The following ZKSCAN3 variants were observed in gnomAD, a reference collection of about 807,000 sequenced individuals.
ZKSCAN3 encodes zinc finger protein with KRAB and SCAN domains 3.
A neutral mutation model predicts 30.7 loss-of-function variants in ZKSCAN3; 21 were observed. The observed-to-expected ratio is 0.68, with a 90% CI of 0.49 to 0.99. ZKSCAN3 has a LOEUF of 0.99. Among genes scored for constraint, ZKSCAN3 ranks in the 50% least tolerant of loss-of-function variants. ZKSCAN3 has a pLI of 0.00. For missense variants in ZKSCAN3, 507 were observed against 647.1 expected, an observed-to-expected ratio of 0.78 and a Z score of 2.35; for synonymous variants, 201 against 246.7, an observed-to-expected ratio of 0.81 and a Z score of 1.73.
intron 4 of ZKSCAN3, 143 bp from the exon 5 acceptor site, chr6:28,363,549 C>T: frequency 7.2e-7 from 1 of 1,388,320 alleles, no homozygotes; most frequent in Non-Finnish European, 9.9e-7. Flanking sequence ...TTATCATTAA[C>T]TTTATTTAGG....
chr6:28,361,254 T>C (rs926463737), intron 2 of ZKSCAN3, 70 bp from the exon 3 acceptor site: 1 of 1,522,082 alleles, frequency 6.6e-7, no homozygotes, highest in African/African-American at 1.4e-5. Context: ...TTGGAAATAG[T>C]GCCAGCCACC....
chr6:28,354,930 T>G (rs1217878693), intron 1 of ZKSCAN3, among the ~76,000 whole-genome samples: 1 of 152,242 alleles, frequency 6.6e-6, no homozygotes, highest in African/African-American at 2.4e-5. Context: ...GTCACCTTCT[T>G]GGTGATCACC....
chr6:28,367,529 C>T lies in ZKSCAN3; in HGVS notation c.*1244C>T, dbSNP rs1369578348. ...CTATTCAGACAGTGTGAAAATCAGTCATCAAGTCAGAATAAAATGATGAAT... is the reference window on the plus strand; with the variant it reads ...CTATTCAGACAGTGTGAAAATCAGTTATCAAGTCAGAATAAAATGATGAAT... On this transcript the variant is annotated 3_prime_UTR_variant, in exon 6 of 6. Transcript: ENST00000252211. 2.6e-5 allele frequency: 4 copies of T among 152,080 alleles called. No individual in the cohort carries two copies. Among genetic ancestry groups the T allele is most frequent in the African/African-American group, 9.7e-5 (4 of 41,414 alleles). The allele number at this position is 152,080 out of a possible 1,614,324, so 9.4% of individuals were successfully genotyped here. A position where few individuals can be genotyped will look rare whatever the true frequency, so the allele number is the denominator to read the frequency against.
chr6:28,366,017 G>A lies in ZKSCAN3; in HGVS notation c.1349G>A (p.Gly450Glu), dbSNP rs1226722777. The change falls in exon 6 of 6, where the codon GGG becomes GAG. Residue 450 changes from glycine to glutamate, a missense_variant. Physicochemically the swap from Gly to Glu is moderately conservative, Grantham distance 98 (BLOSUM62 -2). Coordinates refer to ENST00000252211, the MANE Select transcript of ZKSCAN3 (RefSeq NM_024493.4). ...CTGAGACATCAGAGGATCCATACTGGGGATAAAAATGTTCAGGAACCTGAG... is the reference window on the plus strand; with the variant it reads ...CTGAGACATCAGAGGATCCATACTGAGGATAAAAATGTTCAGGAACCTGAG... ...HLLRHQRIHT[G>E]DKNVQEPEQG... The A allele has an allele frequency of 3.1e-6, 5 of 1,613,276 alleles. No individual in the cohort carries two copies. In the South Asian group the frequency reaches 5.5e-5, roughly 18 times the overall value.
At position 28,353,931 on chromosome 6, in the gene ZKSCAN3, G is replaced by C. The variant is rs532542898; in HGVS notation, c.-63+3864G>C. 4 of 455,388 alleles carry C rather than the reference G, an allele frequency of 8.8e-6. No homozygotes were observed. In the East Asian group the frequency reaches 2.8e-4, roughly 32 times the overall value. 28.2% of individuals were successfully genotyped at this position (455,388 alleles called of 1,614,324 possible). A position where few individuals can be genotyped will look rare whatever the true frequency, so the allele number is the denominator to read the frequency against. On this transcript the variant is annotated intron_variant, in intron 1 of 5. Transcript: ENST00000252211. ...AGGGGAGTTGTTGGATGGGTGGCAG[G>C]TAGTTGAAAGAACACTCGGGGCTGT...
At chr6:28,354,060 G>GGCTCT (rs1481371799) in intron 1 of ZKSCAN3, 3 of 413,616 alleles carry the variant, frequency 7.3e-6, no homozygotes, top group Non-Finnish European at 1.5e-5. Flanking sequence ...CTCAGCAAAC[G>GGCTCT]GCTCTGTGGC....
chr6:28,361,598 A>AGAC, intron 3 of ZKSCAN3, 127 bp downstream of exon 3: 1 of 1,063,204 alleles, frequency 9.4e-7, no homozygotes, highest in Non-Finnish European at 1.3e-6. Context: ...TTTAAGACTG[A>AGAC]GACTAAAAGG....
rs961057960 is a variant in ZKSCAN3 at position 28,366,075 on chromosome 6, C to G, written c.1407C>G (p.Ser469Arg). 39 of 1,607,650 alleles carry G rather than the reference C, an allele frequency of 2.4e-5. No individual in the cohort carries two copies. The highest frequency in any genetic ancestry group is 3.3e-5 in the Non-Finnish European group (39 of 1,177,546). The change falls in exon 6 of 6, where the codon AGC becomes AGG. Residue 469 changes from serine (S) to arginine (R), a missense_variant. Ser to Arg is a moderately radical substitution (Grantham distance 110). Coordinates refer to ENST00000252211, the MANE Select transcript of ZKSCAN3 (RefSeq NM_024493.4). ...AGGCCTGGAAAAGTAGGATGGAAAGCCAGTTGGAAAATGTTGAAACTCCCA... is the reference window on the plus strand; with the variant it reads ...AGGCCTGGAAAAGTAGGATGGAAAGGCAGTTGGAAAATGTTGAAACTCCCA... The part of the protein sequence containing the change: ...QGEAWKSRME[S>R]QLENVETPMS...
Position 28,359,721 on chromosome 6 carries a change from C to G in ZKSCAN3, c.135C>G (p.Ser45=). Residue 45 remains serine (S), a synonymous_variant, in exon 2 of 6, where the codon TCC becomes TCG. Coordinates refer to ENST00000252211, the MANE Select transcript of ZKSCAN3 (RefSeq NM_024493.4). Reference sequence around the variant, plus strand: ...GCCCAGATCTGGGTTCTGAGGGCTCCCGCGAGCGCTTCCGAGGCTTCCGCT... The same window carrying G: ...GCCCAGATCTGGGTTCTGAGGGCTCGCGCGAGCGCTTCCGAGGCTTCCGCT... ...PSSPDLGSEG[S]RERFRGFRYP... 6.2e-7 allele frequency: 1 copy of G among 1,614,144 alleles called. No homozygotes were observed. The highest frequency in any genetic ancestry group is 1.1e-5 in the South Asian group (1 of 91,010).
intron 2 of ZKSCAN3, 101 bp from the exon 3 acceptor site, chr6:28,361,223 G>A: frequency 7.8e-7 from 1 of 1,278,402 alleles, no homozygotes; most frequent in Non-Finnish European, 1.1e-6. Flanking sequence ...TGCGTTAAAT[G>A]AGTTAACATT....
intron 3 of ZKSCAN3, among the ~76,000 whole-genome samples, chr6:28,361,965 G>C (rs1280092666): frequency 6.6e-6 from 1 of 152,078 alleles, no homozygotes; most frequent in Non-Finnish European, 1.5e-5. Flanking sequence ...GCCTGGCTAG[G>C]TTTTAAAAAC....
intron 1 of ZKSCAN3, among the ~76,000 whole-genome samples, chr6:28,358,837 T>C (rs1424239765): frequency 7.1e-6 from 1 of 141,336 alleles, no homozygotes; most frequent in African/African-American, 2.6e-5. Context: ...CAAGCCGAGA[T>C]CATGCCACTG....
chr6:28,362,671 T>C (rs902428035), intron 3 of ZKSCAN3, among the ~76,000 whole-genome samples: 2 of 152,190 alleles, frequency 1.3e-5, no homozygotes, highest in African/African-American at 4.8e-5. Context: ...GAGGAATATA[T>C]ATATGCTTCC....
At position 28,365,723 on chromosome 6, in the gene ZKSCAN3, T is replaced by A; in HGVS notation, c.1055T>A (p.Ile352Asn). ...TGTGAAGAGTGTGGCAAAGCCTTCA[T>A]TGGGAGCTCTGCCCTTGTCATTCAT... Reference protein sequence around the residue: ...YECEECGKAFIGSSALVIHQR... With the variant: ...YECEECGKAFNGSSALVIHQR... Residue 352 changes from isoleucine (I) to asparagine (N), a missense_variant, in exon 6 of 6, where the codon ATT becomes AAT. Transcript: ENST00000252211. The A allele has an allele frequency of 1.2e-6, 2 of 1,613,170 alleles. No individual in the cohort carries two copies. Among genetic ancestry groups the A allele is most frequent in the Non-Finnish European group, 1.7e-6 (2 of 1,179,626 alleles).
chr6:28,354,800 A>G (rs1410491978), intron 1 of ZKSCAN3, among the ~76,000 whole-genome samples: 2 of 152,242 alleles, frequency 1.3e-5, no homozygotes, highest in African/African-American at 4.8e-5. Flanking sequence ...TTTCTCTCAT[A>G]GATCTGGCCA....
At chr6:28,359,319 G>A (rs1444284344) in intron 1 of ZKSCAN3, among the ~76,000 whole-genome samples, 1 of 152,058 alleles carries the variant, frequency 6.6e-6, no homozygotes, top group Non-Finnish European at 1.5e-5. Context: ...TCAGGGGCTT[G>A]GGGGTGTCCA....
Position 28,359,762 on chromosome 6 carries a change from G to C in ZKSCAN3, c.176G>C (p.Gly59Ala). ...FRGFRYPEAA[G>A]PREALSRLRE... is the part of the protein sequence containing the mutation. ...GGCTTCCGCTACCCGGAGGCTGCAG[G>C]CCCCCGCGAGGCGCTGAGTCGGCTC... Residue 59 changes from glycine (G) to alanine (A), a missense_variant, in exon 2 of 6, where the codon GGC becomes GCC. By Grantham distance (60) the Gly-to-Ala change is moderately conservative (BLOSUM62 0). Coordinates refer to ENST00000252211, the MANE Select transcript of ZKSCAN3 (RefSeq NM_024493.4). The C allele has an allele frequency of 1.2e-6, 2 of 1,614,170 alleles. No individual in the cohort carries two copies. Among genetic ancestry groups the C allele is most frequent in the Non-Finnish European group, 1.7e-6 (2 of 1,180,024 alleles).
At chr6:28,360,905 C>G (rs925585454) in intron 2 of ZKSCAN3, among the ~76,000 whole-genome samples, 1 of 152,134 alleles carries the variant, frequency 6.6e-6, no homozygotes, top group African/African-American at 2.4e-5. Flanking sequence ...GGTGATTTCA[C>G]GTACTGTGAT....
rs749140174 is a variant in ZKSCAN3, at chr6:28,359,769, C to T, written c.183C>T (p.Arg61=). 6.2e-7 allele frequency: 1 copy of T among 1,614,196 alleles called. No homozygotes were observed. The highest frequency in any genetic ancestry group is 1.1e-5 in the South Asian group (1 of 91,084). The change falls in exon 2 of 6, where the codon CGC becomes CGT. Residue 61 remains arginine (R), a synonymous_variant. Coordinates refer to ENST00000252211, the MANE Select transcript of ZKSCAN3 (RefSeq NM_024493.4). The part of the protein sequence containing the change: ...GFRYPEAAGP[R]EALSRLRELC... ...GCTACCCGGAGGCTGCAGGCCCCCG[C>T]GAGGCGCTGAGTCGGCTCCGAGAGC...
Sources: allele counts gnomAD v4.1 joint callset (sites outside exome capture counted in the v4.1 genomes callset), GRCh38; gene constraint gnomAD v4.1.1; transcripts MANE v1.5; gene names NCBI Gene and HGNC (gene_info 2026-07-23, HGNC 2026-07-21).